The following CORIN variants were observed in gnomAD, a reference collection of about 807,000 sequenced individuals.
CORIN encodes corin, serine peptidase.
A neutral mutation model predicts 125.3 loss-of-function variants in CORIN; 117 were observed. That is an observed-to-expected ratio of 0.93 (90% CI 0.80 to 1.09). The LOEUF (loss-of-function observed/expected upper bound fraction) is 1.09. Ranked by LOEUF, CORIN falls within the 50% of genes least tolerant of loss-of-function variation. The pLI is 0.00. For synonymous variants in CORIN, 450 were observed against 466.4 expected (o/e 0.96, Z 0.45); for missense variants, 1,253 against 1,306.7 (o/e 0.96, Z 0.63).
At chr4:47,661,669 A>G (rs778532353) in intron 12 of CORIN, 42 bp downstream of exon 12, 7 of 1,513,782 alleles carry the variant, frequency 4.6e-6, no homozygotes, top group African/African-American at 1.4e-5. Flanking sequence ...TAACATGTTC[A>G]TCCATGTTAG....
chr4:47,772,907 A>G (rs879830496), intron 3 of CORIN, among the ~76,000 whole-genome samples: 3 of 152,180 alleles, frequency 2.0e-5, no homozygotes, highest in Admixed American at 6.5e-5. Flanking sequence ...TCTGGATTCT[A>G]TAATGTATCC....
At chr4:47,747,411 G>C (rs956240544) in intron 4 of CORIN, among the ~76,000 whole-genome samples, 6 of 152,094 alleles carry the variant, frequency 3.9e-5, no homozygotes, top group African/African-American at 1.4e-4. Context: ...TTGAAGATGA[G>C]AAAGATGTCT....
intron 13 of CORIN, among the ~76,000 whole-genome samples, chr4:47,645,970 AC>A (rs1488599599): frequency 1.3e-5 from 2 of 148,758 alleles, no homozygotes; most frequent in African/African-American, 5.0e-5. Flanking sequence ...CTTTTTTGAG[AC>A]CAAGTCTCAC....
chr4:47,738,513 C>A (rs1728237234), intron 5 of CORIN, among the ~76,000 whole-genome samples: 1 of 152,194 alleles, frequency 6.6e-6, no homozygotes, highest in South Asian at 2.1e-4. Context: ...TAATTTGTTT[C>A]AGGGAACTCA....
chr4:47,754,227 C>T lies in CORIN; in HGVS notation c.617+9152G>A, dbSNP rs573340711. On this transcript the variant is annotated intron_variant, in intron 4 of 21. Transcript: ENST00000273857. Reference sequence around the variant, plus strand: ...AGCTATTTTGGCTCATAAAATGAAACCTCATCTATCACTTCATATTTTATG... The same window carrying T: ...AGCTATTTTGGCTCATAAAATGAAATCTCATCTATCACTTCATATTTTATG... Among the ~76,000 whole-genome samples the T allele has an allele frequency of 5.3e-5, 8 of 152,006 alleles. No homozygotes were observed. In the South Asian group the frequency reaches 1.0e-3, roughly 20 times the overall value.
intron 19 of CORIN, among the ~76,000 whole-genome samples, chr4:47,607,113 A>G (rs1721679285): frequency 6.6e-6 from 1 of 152,216 alleles, no homozygotes; most frequent in Non-Finnish European, 1.5e-5. Context: ...TGTCAATAAA[A>G]CTGCTGAACA....
chr4:47,614,700 T>A (rs1458944624), intron 19 of CORIN, among the ~76,000 whole-genome samples: 1 of 152,106 alleles, frequency 6.6e-6, no homozygotes, highest in African/African-American at 2.4e-5. Flanking sequence ...ATTACAGCCC[T>A]ACATACTGAA....
chr4:47,809,718 G>A (rs1577942601), intron 1 of CORIN, among the ~76,000 whole-genome samples: 1 of 152,208 alleles, frequency 6.6e-6, no homozygotes, highest in East Asian at 1.9e-4. Flanking sequence ...AGAATTGATT[G>A]CTTTTTTCAA....
intron 4 of CORIN, among the ~76,000 whole-genome samples, chr4:47,762,411 T>C (rs909270221): frequency 6.6e-6 from 1 of 152,254 alleles, no homozygotes; most frequent in Admixed American, 6.5e-5. Flanking sequence ...ATTGATGTTA[T>C]ATGTGAATAA....
At chr4:47,685,585 G>A (rs566097334) in intron 6 of CORIN, among the ~76,000 whole-genome samples, 2 of 152,124 alleles carry the variant, frequency 1.3e-5, no homozygotes, top group African/African-American at 4.8e-5. Flanking sequence ...TGTATTGTGC[G>A]GTTAGTCGCA....
intron 11 of CORIN, among the ~76,000 whole-genome samples, chr4:47,662,067 C>A (rs1387835951): frequency 2.6e-5 from 4 of 152,196 alleles, no homozygotes; most frequent in African/African-American, 9.7e-5. Flanking sequence ...CACACTTTCA[C>A]CAAAAGAAAC....
intron 5 of CORIN, chr4:47,707,077 C>T: frequency 6.3e-6 from 9 of 1,422,808 alleles, no homozygotes; most frequent in Non-Finnish European, 8.2e-6. Context: ...TAAAACTAGT[C>T]TGCAGATGTT....
intron 3 of CORIN, among the ~76,000 whole-genome samples, chr4:47,777,656 G>A (rs537489169): frequency 1.3e-5 from 2 of 152,096 alleles, no homozygotes; most frequent in Non-Finnish European, 2.9e-5. Flanking sequence ...AACACCACAT[G>A]TGAATATTAG....
intron 12 of CORIN, among the ~76,000 whole-genome samples, chr4:47,659,868 C>A (rs567160392): frequency 6.6e-6 from 1 of 152,240 alleles, no homozygotes; most frequent in East Asian, 1.9e-4. Context: ...TATGGAATCA[C>A]AAAAGACTCA....
chr4:47,825,189 A>G (rs2109981387), intron 1 of CORIN, among the ~76,000 whole-genome samples: 1 of 152,300 alleles, frequency 6.6e-6, no homozygotes, highest in South Asian at 2.1e-4. Flanking sequence ...TTAGCAACCA[A>G]TTGCTGGGCT....
intron 1 of CORIN, among the ~76,000 whole-genome samples, chr4:47,813,391 C>A (rs1732139953): frequency 6.6e-6 from 1 of 152,188 alleles, no homozygotes; most frequent in African/African-American, 2.4e-5. Context: ...CAAAACCTAT[C>A]CCTTGACCAT....
intron 6 of CORIN, among the ~76,000 whole-genome samples, chr4:47,685,175 C>A (rs7665841): frequency 1.4e-4 from 22 of 151,868 alleles, no homozygotes; most frequent in Admixed American, 6.6e-5. Context: ...AGGAATCTAC[C>A]CAAGATAAAT....
chr4:47,788,700 A>T (rs1354175437), intron 2 of CORIN, among the ~76,000 whole-genome samples: 1 of 152,174 alleles, frequency 6.6e-6, no homozygotes, highest in Non-Finnish European at 1.5e-5. Flanking sequence ...TATTTTTGGC[A>T]TAAAGAGATT....
intron 2 of CORIN, 21 bp from the exon 3 acceptor site, chr4:47,786,946 CA>C (rs749567944): frequency 1.5e-5 from 23 of 1,501,386 alleles, no homozygotes; most frequent in Non-Finnish European, 1.9e-5. Flanking sequence ...AAAACAAACA[CA>C]AAAAAAACCT....
Sources: gnomAD v4.1 joint callset for allele counts (sites outside exome capture counted in the v4.1 genomes callset) on GRCh38, gnomAD v4.1.1 for gene constraint, MANE v1.5 for transcripts, NCBI Gene and HGNC (gene_info 2026-07-23, HGNC 2026-07-21) for gene names.